NECTIN3: variants seen among roughly 807,000 people sequenced by gnomAD.
The protein encoded by NECTIN3 is nectin cell adhesion molecule 3, also known as nectin-3.
In NECTIN3, 8 loss-of-function variants were observed where a neutral mutation model predicts 49.4. The ratio of observed to expected loss-of-function variants is 0.16; its 90% CI spans 0.10 to 0.29. The LOEUF (loss-of-function observed/expected upper bound fraction) is 0.29, where lower values mean the gene tolerates loss of function less well. NECTIN3 is among the 10% of genes least tolerant of loss of function. The pLI is 1.00. For synonymous variants in NECTIN3, 277 were observed against 241.1 expected (o/e 1.15, Z -1.38); for missense variants, 581 against 654.6 (o/e 0.89, Z 1.23).
intron 2 of NECTIN3, among the ~76,000 whole-genome samples, chr3:111,117,107 A>G (rs1302893861): frequency 6.6e-6 from 1 of 152,152 alleles, no homozygotes; most frequent in East Asian, 1.9e-4. Flanking sequence ...AATATATACA[A>G]TTGTATGTAA....
At chr3:111,111,977 G>T in intron 1 of NECTIN3, 53 bp from the exon 2 acceptor site, 1 of 1,275,122 alleles carries the variant, frequency 7.8e-7, no homozygotes. Context: ...GGAGGAGAGT[G>T]TTGACCACTT....
At chr3:111,141,628 T>C (rs2034747031), downstream of NECTIN3, among the ~76,000 whole-genome samples, 1 of 151,932 alleles carries the variant, frequency 6.6e-6, no homozygotes, top group Non-Finnish European at 1.5e-5. Context: ...TATACTCTTG[T>C]TGTGTTGGAG....
At chr3:111,131,614 A>C (rs557744872) in intron 5 of NECTIN3, among the ~76,000 whole-genome samples, 55 of 152,114 alleles carry the variant, frequency 3.6e-4, no homozygotes, top group African/African-American at 1.3e-3. Context: ...TAAGATTTTA[A>C]AGTAACCCTT....
chr3:111,132,629 A>G (rs928444238), intron 5 of NECTIN3, among the ~76,000 whole-genome samples: 2 of 151,764 alleles, frequency 1.3e-5, no homozygotes, highest in African/African-American at 4.8e-5. Context: ...AATTTTTGCT[A>G]TTTATGTTTA....
chr3:111,109,145 CCTTT>C (rs150015520), intron 1 of NECTIN3, among the ~76,000 whole-genome samples: 1,524 of 152,150 alleles, frequency 0.01, 33 homozygotes, highest in African/African-American at 0.033. Context: ...AGTGAGCTCT[CCTTT>C]CTTTGTTTTA....
At chr3:111,142,365 A>G (rs1222651084), downstream of NECTIN3, among the ~76,000 whole-genome samples, 1 of 151,838 alleles carries the variant, frequency 6.6e-6, no homozygotes, top group Non-Finnish European at 1.5e-5. Flanking sequence ...TAATACTACA[A>G]AGAGGTATGG....
chr3:111,181,965 T>C (rs2035634115), intron 7 of NECTIN3, among the ~76,000 whole-genome samples: 1 of 151,990 alleles, frequency 6.6e-6, no homozygotes, highest in African/African-American at 2.4e-5. Context: ...TCCTTTCTTC[T>C]TTTCTAATAC....
Position 111,112,067 on chromosome 3 carries a change from C to T in NECTIN3, c.198C>T (p.Val66=). Residue 66 remains valine (V), a synonymous_variant, in exon 2 of 6, where the codon GTC becomes GTT. Transcript: ENST00000485303. ...GACCAATTATTGTGGAGCCACATGTCACAGCAGTATGGGGAAAGAATGTTT... is the reference window on the plus strand; with the variant it reads ...GACCAATTATTGTGGAGCCACATGTTACAGCAGTATGGGGAAAGAATGTTT... The part of the protein sequence containing the change: ...LAGPIIVEPH[V]TAVWGKNVSL... 6.2e-7 allele frequency: 1 copy of T among 1,612,908 alleles called. No individual in the cohort carries two copies. Among genetic ancestry groups the T allele is most frequent in the East Asian group, 2.2e-5 (1 of 44,848 alleles).
At chr3:111,104,402 C>A (rs992035630) in intron 1 of NECTIN3, among the ~76,000 whole-genome samples, 3 of 148,644 alleles carry the variant, frequency 2.0e-5, no homozygotes, top group African/African-American at 7.5e-5. Context: ...TTTACTGCAG[C>A]CTTGACCTTC....
intron 7 of NECTIN3, among the ~76,000 whole-genome samples, chr3:111,183,583 G>A (rs1017715271): frequency 6.6e-6 from 1 of 151,976 alleles, no homozygotes; most frequent in African/African-American, 2.4e-5. Context: ...CAAAGTGCTG[G>A]GATTACAGGC....
At chr3:111,144,530 G>A (rs1487363341) in intron 5 of NECTIN3, among the ~76,000 whole-genome samples, 1 of 151,692 alleles carries the variant, frequency 6.6e-6, no homozygotes, top group African/African-American at 2.4e-5. Context: ...TGTATTACTG[G>A]TCGTTTATAT....
intron 1 of NECTIN3, among the ~76,000 whole-genome samples, chr3:111,095,514 G>A (rs2032532311): frequency 1.3e-5 from 2 of 152,190 alleles, no homozygotes; most frequent in South Asian, 2.1e-4. Flanking sequence ...AAAGACTCCA[G>A]ACATCTAATC....
intron 1 of NECTIN3, among the ~76,000 whole-genome samples, chr3:111,103,708 G>A (rs1053589993): frequency 6.6e-6 from 1 of 152,064 alleles, no homozygotes; most frequent in Non-Finnish European, 1.5e-5. Flanking sequence ...AGTGAGAGGG[G>A]AAATCCTTGC....
At chr3:111,181,533 A>T (rs897411880) in intron 7 of NECTIN3, among the ~76,000 whole-genome samples, 15 of 152,140 alleles carry the variant, frequency 9.9e-5, no homozygotes, top group Non-Finnish European at 1.8e-4. Context: ...TTTTAAGAGC[A>T]GTGTTATTCC....
At position 111,137,385 on chromosome 3, in the gene NECTIN3, T is replaced by C. The variant is rs1353851916; in HGVS notation, c.*3170T>C. The stretch of plus-strand genomic sequence containing the variant: ...TCAAATTTTTTGTATATTGTGTTTG[T>C]GTTTGGGTTTTAGTTTGTACCCGCG... On this transcript the variant is annotated 3_prime_UTR_variant, in exon 6 of 6. Transcript: ENST00000485303. 1.0e-6 allele frequency: 1 copy of C among 958,082 alleles called. No homozygotes were observed. Among genetic ancestry groups the C allele is most frequent in the Non-Finnish European group, 1.2e-6 (1 of 805,744 alleles). The allele number at this position is 958,082 out of a possible 1,614,324, so 59.3% of individuals were successfully genotyped here.
intron 7 of NECTIN3, among the ~76,000 whole-genome samples, chr3:111,169,120 C>T (rs1175653730): frequency 3.5e-5 from 4 of 115,332 alleles, no homozygotes; most frequent in African/African-American, 1.0e-4. Flanking sequence ...GACGGAGTCT[C>T]GCTCTGTCGC....
chr3:111,110,397 C>A lies in NECTIN3; in HGVS notation c.161-1633C>A, dbSNP rs370060023. On this transcript the variant is annotated intron_variant, in intron 1 of 5. Transcript: ENST00000485303. ...GTAAATGGTAAGTTTTATTAAATACCTTTTTAACATCGAATAAGAAAGTCA... is the reference window on the plus strand; with the variant it reads ...GTAAATGGTAAGTTTTATTAAATACATTTTTAACATCGAATAAGAAAGTCA... Among the ~76,000 whole-genome samples, 238 of 151,818 alleles carry A rather than the reference C, an allele frequency of 1.6e-3. 1 individual carries two copies. The highest frequency in any genetic ancestry group is 5.6e-3 in the African/African-American group (233 of 41,458).
At chr3:111,113,721 C>T (rs2033569222) in intron 2 of NECTIN3, among the ~76,000 whole-genome samples, 1 of 152,138 alleles carries the variant, frequency 6.6e-6, no homozygotes, top group East Asian at 1.9e-4. Context: ...GTATGGCTCA[C>T]TCCTGTAATC....
In NECTIN3 at chr3:111,136,699, T is replaced by G. The variant is rs2034587842; in HGVS notation, c.*2484T>G. On this transcript the variant is annotated 3_prime_UTR_variant, in exon 6 of 6. Transcript: ENST00000485303. ...TGAAAAAAAATGAATATTTGTACTATTTTTGGCCATATTTATATTTATTTC... is the reference window on the plus strand; with the variant it reads ...TGAAAAAAAATGAATATTTGTACTAGTTTTGGCCATATTTATATTTATTTC... 3 of 912,444 alleles carry G rather than the reference T, an allele frequency of 3.3e-6. No homozygotes were observed. The highest frequency in any genetic ancestry group is 3.9e-6 in the Non-Finnish European group (3 of 763,810). 56.5% of individuals were successfully genotyped at this position (912,444 alleles called of 1,614,324 possible). A position where few individuals can be genotyped will look rare whatever the true frequency, so the allele number is the denominator to read the frequency against.
Sources: gnomAD v4.1 joint callset for allele counts (sites outside exome capture counted in the v4.1 genomes callset) on GRCh38, gnomAD v4.1.1 for gene constraint, MANE v1.5 for transcripts, NCBI Gene and HGNC (gene_info 2026-07-23, HGNC 2026-07-21) for gene names.